VPS26C: variants seen among roughly 807,000 people sequenced by gnomAD.
VPS26C encodes the protein VPS26 endosomal protein sorting factor C, also known as vacuolar protein sorting-associated protein 26C.
In VPS26C, 19 loss-of-function variants were observed where a neutral mutation model predicts 30.6. The observed-to-expected ratio is 0.62, with a 90% CI of 0.43 to 0.91. VPS26C has a LOEUF of 0.91. Ranked by LOEUF, VPS26C falls within the 40% of genes least tolerant of loss-of-function variation. The pLI, the probability that VPS26C is intolerant of heterozygous loss-of-function variation, is 0.00. For missense variants in VPS26C, 318 were observed against 385.1 expected, an observed-to-expected ratio of 0.83 and a Z score of 1.46; for synonymous variants, 132 against 151.5, an observed-to-expected ratio of 0.87 and a Z score of 0.95.
At chr21:37,253,065 A>G (rs2086209470) in intron 1 of VPS26C, among the ~76,000 whole-genome samples, 1 of 152,136 alleles carries the variant, frequency 6.6e-6, no homozygotes, top group Non-Finnish European at 1.5e-5. Context: ...GTATAGGAGG[A>G]AATAGTTATA....
chr21:37,240,352 T>A, intron 2 of VPS26C, 144 bp downstream of exon 2: 1 of 844,848 alleles, frequency 1.2e-6, no homozygotes, highest in Non-Finnish European at 1.8e-6. Flanking sequence ...CTCAAACTCC[T>A]GGGCTCAAGC....
Position 37,240,593 on chromosome 21 carries a change from T to C in VPS26C, c.104A>G (p.Gln35Arg). 6.2e-7 allele frequency: 1 copy of C among 1,614,250 alleles called. No homozygotes were observed. Among genetic ancestry groups the C allele is most frequent in the Non-Finnish European group, 8.5e-7 (1 of 1,180,042 alleles). Residue 35 changes from glutamine to arginine, a missense_variant, in exon 2 of 8, where the codon CAA becomes CGA. Coordinates refer to ENST00000309117, the MANE Select transcript of VPS26C (RefSeq NM_006052.2). ...CATGGTCAAAGACACTCCCTGGTGTTGGACTGAATCCTTACTCGATATGAC... is the reference window on the plus strand; with the variant it reads ...CATGGTCAAAGACACTCCCTGGTGTCGGACTGAATCCTTACTCGATATGAC... ...VVVISSKDSV[Q>R]HQGVSLTMEG... is the part of the protein sequence containing the mutation.
intron 1 of VPS26C, among the ~76,000 whole-genome samples, chr21:37,256,487 CT>C (rs1361369647): frequency 6.6e-6 from 1 of 152,018 alleles, no homozygotes; most frequent in Non-Finnish European, 1.5e-5. Context: ...GGTTTCATTG[CT>C]TTTTTGGAAA....
At chr21:37,230,975 A>G (rs1167599085) in intron 5 of VPS26C, among the ~76,000 whole-genome samples, 2 of 152,216 alleles carry the variant, frequency 1.3e-5, no homozygotes, top group East Asian at 3.8e-4. Context: ...CACAGCCACA[A>G]TGCAGACAGC....
intron 3 of VPS26C, among the ~76,000 whole-genome samples, chr21:37,237,188 T>C (rs1308326107): frequency 6.6e-6 from 1 of 152,230 alleles, no homozygotes; most frequent in Non-Finnish European, 1.5e-5. Flanking sequence ...TTGGTAAGTC[T>C]TGATGAACGC....
chr21:37,250,670 G>A (rs972696608), intron 1 of VPS26C, among the ~76,000 whole-genome samples: 1 of 152,062 alleles, frequency 6.6e-6, no homozygotes, highest in Middle Eastern at 3.2e-3. Context: ...GGGAGGCCGA[G>A]GTGGGTGGAT....
At chr21:37,244,933 G>A (rs918259091) in intron 1 of VPS26C, among the ~76,000 whole-genome samples, 1 of 152,184 alleles carries the variant, frequency 6.6e-6, no homozygotes, top group Non-Finnish European at 1.5e-5. Context: ...GGAAGCAGTC[G>A]GTCTCTGCAG....
At chr21:37,231,973 A>C in intron 5 of VPS26C, 1 of 183,754 alleles carries the variant, frequency 5.4e-6, no homozygotes. Flanking sequence ...TCTGATGGGA[A>C]TGCTGGGGAA....
At position 37,233,949 on chromosome 21, in the gene VPS26C, A is replaced by G. The variant is rs1237044892; in HGVS notation, c.352-507T>C. Among the ~76,000 whole-genome samples, 2 of 152,258 alleles carry G rather than the reference A, an allele frequency of 1.3e-5. No individual in the cohort carries two copies. Among genetic ancestry groups the G allele is most frequent in the Non-Finnish European group, 2.9e-5 (2 of 68,038 alleles). ...AGCACTCAGCACAGGGCTGGCACAA[A>G]GCAATGCTGGAAAACAGCAGCTACT... On this transcript the variant is annotated intron_variant, in intron 3 of 7. Transcript: ENST00000309117. The surrounding 1 kb of genome is among the most constrained non-coding windows in gnomAD (Gnocchi z 5.2).
intron 7 of VPS26C, chr21:37,227,411 T>C (rs972178616): frequency 1.9e-6 from 1 of 525,282 alleles, no homozygotes; most frequent in Non-Finnish European, 3.4e-6. Context: ...CATGTGACAG[T>C]GGAAGTCCCA....
At chr21:37,248,034 T>C (rs1169255723) in intron 1 of VPS26C, among the ~76,000 whole-genome samples, 1 of 152,140 alleles carries the variant, frequency 6.6e-6, no homozygotes, top group Admixed American at 6.6e-5. Context: ...GGTATTATTA[T>C]CTGCAGATCA....
At position 37,224,085 on chromosome 21, in the gene VPS26C, C is replaced by G. The variant is rs1325016022; in HGVS notation, c.*1459G>C. 1 of 152,258 alleles carries G rather than the reference C, an allele frequency of 6.6e-6. No individual in the cohort carries two copies. The highest frequency in any genetic ancestry group is 1.5e-5 in the Non-Finnish European group (1 of 68,056). 9.4% of individuals were successfully genotyped at this position (152,258 alleles called of 1,614,324 possible). ...CAGTGGCTCAGAGGCAGACCAAATT[C>G]ATCAAGTCAAGGACCTTTTCCTGCT... On this transcript the variant is annotated 3_prime_UTR_variant, in exon 8 of 8. Transcript: ENST00000309117.
At chr21:37,237,137 G>T (rs577225121) in intron 3 of VPS26C, among the ~76,000 whole-genome samples, 1 of 152,300 alleles carries the variant, frequency 6.6e-6, no homozygotes, top group South Asian at 2.1e-4. Flanking sequence ...TGTGGAAAAG[G>T]ATGGGGTTTC....
At position 37,233,281 on chromosome 21, in the gene VPS26C, T is replaced by C; in HGVS notation, c.432+81A>G. The C allele has an allele frequency of 8.0e-7, 1 of 1,250,152 alleles. No individual in the cohort carries two copies. Among genetic ancestry groups the C allele is most frequent in the South Asian group, 1.2e-5 (1 of 82,678 alleles). 77.4% of individuals were successfully genotyped at this position (1,250,152 alleles called of 1,614,324 possible). ...CGTGAAACAGTAAGAGGCTAAATGG[T>C]GAGCTTGTAAATAGGGTAAACTCTC... On this transcript the variant is annotated intron_variant, in intron 4 of 7. Transcript: ENST00000309117. The surrounding 1 kb of genome is among the most constrained non-coding windows in gnomAD (Gnocchi z 5.2).
intron 2 of VPS26C, 119 bp downstream of exon 2, chr21:37,240,377 G>T: frequency 1.8e-6 from 2 of 1,124,142 alleles, no homozygotes; most frequent in Non-Finnish European, 2.5e-6. Context: ...CTCCCGCCTT[G>T]GCCTCCCAAA....
intron 3 of VPS26C, among the ~76,000 whole-genome samples, chr21:37,235,874 TATA>T (rs1484210031): frequency 0.021 from 1,379 of 65,968 alleles, 34 homozygotes; most frequent in African/African-American, 0.06. Flanking sequence ...TATATATATA[TATA>T]TATTTTTTTT....
chr21:37,254,992 G>A (rs2086228576), intron 1 of VPS26C, among the ~76,000 whole-genome samples: 1 of 152,118 alleles, frequency 6.6e-6, no homozygotes, highest in South Asian at 2.1e-4. Context: ...ATGTCATGTG[G>A]TTAATTCTGG....
intron 3 of VPS26C, among the ~76,000 whole-genome samples, chr21:37,234,446 G>A (rs1216084910): frequency 6.6e-6 from 1 of 152,192 alleles, no homozygotes; most frequent in Non-Finnish European, 1.5e-5. Context: ...CCACTGCAGA[G>A]CTGGTATTGA....
Position 37,240,633 on chromosome 21 carries a change from G to A in VPS26C, c.64C>T (p.Leu22Phe), listed in dbSNP as rs151289146. The A allele has an allele frequency of 1.2e-6, 2 of 1,613,262 alleles. No homozygotes were observed. Among genetic ancestry groups the A allele is most frequent in the Non-Finnish European group, 1.7e-6 (2 of 1,179,722 alleles). The stretch of plus-strand genomic sequence containing the variant: ...CTCGATATGACCACCACGCCAGAGA[G>A]CACTTCCTGGGAGAGAAAAGACAGC... ...ANKVYHAGEV[L>F]SGVVVISSKD... The change falls in exon 2 of 8, where the codon CTC becomes TTC. Residue 22 changes from leucine (L) to phenylalanine (F), a missense_variant. By Grantham distance (22) the Leu-to-Phe change is conservative. Coordinates refer to ENST00000309117, the MANE Select transcript of VPS26C (RefSeq NM_006052.2).
Sources: allele counts gnomAD v4.1 joint callset (sites outside exome capture counted in the v4.1 genomes callset), GRCh38; gene constraint gnomAD v4.1.1; non-coding constraint Gnocchi (gnomAD v3.1); transcripts MANE v1.5; gene names NCBI Gene and HGNC (gene_info 2026-07-23, HGNC 2026-07-21).